The following BBS9 variants were observed in gnomAD, a reference collection of about 807,000 sequenced individuals.
The protein encoded by BBS9 is Bardet-Biedl syndrome 9, also known as protein PTHB1.
Under a neutral mutation model 117.7 loss-of-function variants are expected in BBS9, and 89 were observed. The observed-to-expected ratio is 0.76, with a 90% CI of 0.64 to 0.90. BBS9 has a LOEUF of 0.90. BBS9 is among the 40% of genes least tolerant of loss of function. The pLI is 0.00. For synonymous variants in BBS9, 379 were observed against 370.9 expected, an observed-to-expected ratio of 1.02 and a Z score of -0.25; for missense variants, 982 against 1,042.2, an observed-to-expected ratio of 0.94 and a Z score of 0.80.
chr7:33,444,987 G>A (rs1836778110), intron 19 of BBS9, among the ~76,000 whole-genome samples: 1 of 152,184 alleles, frequency 6.6e-6, no homozygotes, highest in African/African-American at 2.4e-5. Flanking sequence ...GTCTAGGGAA[G>A]TTGGGAGGGC....
intron 21 of BBS9, among the ~76,000 whole-genome samples, chr7:33,578,467 AG>A (rs1585336570): frequency 6.6e-6 from 1 of 152,316 alleles, no homozygotes; most frequent in East Asian, 1.9e-4. Flanking sequence ...CTTTTTTCAC[AG>A]GAAGTCACCT....
intron 21 of BBS9, among the ~76,000 whole-genome samples, chr7:33,566,068 T>G (rs1048889610): frequency 2.0e-5 from 3 of 151,136 alleles, no homozygotes; most frequent in Admixed American, 6.6e-5. Flanking sequence ...TTAAGTTTCC[T>G]TCCATTAGAC....
chr7:33,158,108 G>A (rs750007645), intron 4 of BBS9, among the ~76,000 whole-genome samples: 9 of 152,242 alleles, frequency 5.9e-5, no homozygotes, highest in Non-Finnish European at 1.0e-4. Flanking sequence ...TTTCCATGAG[G>A]AGGGCAAAAA....
chr7:33,340,829 TTAAA>T, intron 10 of BBS9, 64 bp from the exon 11 acceptor site: 4 of 1,414,482 alleles, frequency 2.8e-6, no homozygotes, highest in Non-Finnish European at 3.9e-6. Flanking sequence ...AGACAAACCT[TTAAA>T]GAAAAACTAT....
At chr7:33,275,611 G>A (rs528718416) in intron 9 of BBS9, among the ~76,000 whole-genome samples, 4 of 152,284 alleles carry the variant, frequency 2.6e-5, no homozygotes, top group African/African-American at 9.6e-5. Flanking sequence ...TGTCCTTCAG[G>A]AGCCAATATC....
intron 19 of BBS9, among the ~76,000 whole-genome samples, chr7:33,407,714 G>T (rs988866846): frequency 2.0e-5 from 3 of 152,206 alleles, no homozygotes; most frequent in African/African-American, 7.2e-5. Flanking sequence ...GACCCTGTTT[G>T]CCTGGGTATC....
intron 19 of BBS9, among the ~76,000 whole-genome samples, chr7:33,465,883 A>G (rs1840087819): frequency 6.6e-6 from 1 of 152,138 alleles, no homozygotes; most frequent in South Asian, 2.1e-4. Context: ...CCTTTCTAGC[A>G]ATAAAAAGGA....
At chr7:33,549,741 C>G (rs550229050) in intron 21 of BBS9, among the ~76,000 whole-genome samples, 11 of 152,240 alleles carry the variant, frequency 7.2e-5, no homozygotes, top group Admixed American at 2.0e-4. Context: ...CCATCTCACA[C>G]CAGTGAACTG....
intron 5 of BBS9, among the ~76,000 whole-genome samples, chr7:33,188,390 A>G (rs1783512148): frequency 6.6e-6 from 1 of 152,188 alleles, no homozygotes; most frequent in Admixed American, 6.5e-5. Flanking sequence ...TGCCATTTTT[A>G]GGCTACTAAA....
chr7:33,174,011 C>T (rs943184769), intron 4 of BBS9, among the ~76,000 whole-genome samples: 1 of 152,096 alleles, frequency 6.6e-6, no homozygotes, highest in African/African-American at 2.4e-5. Flanking sequence ...CAGTTTTTTT[C>T]TGACCTAGTC....
intron 9 of BBS9, 55 bp from the exon 10 acceptor site, chr7:33,336,386 A>G: frequency 7.1e-7 from 1 of 1,404,460 alleles, no homozygotes; most frequent in Non-Finnish European, 1.0e-6. Context: ...TAGTTGGTCA[A>G]GACTAACTCT....
chr7:33,408,248 G>A (rs199867596), intron 19 of BBS9, among the ~76,000 whole-genome samples: 7 of 152,282 alleles, frequency 4.6e-5, no homozygotes, highest in South Asian at 4.1e-4. Context: ...AGCCAGGTGC[G>A]GGATATAATC....
At chr7:33,517,440 ATAGACT>A (rs1429458391) in intron 20 of BBS9, among the ~76,000 whole-genome samples, 1 of 152,216 alleles carries the variant, frequency 6.6e-6, no homozygotes, top group Non-Finnish European at 1.5e-5. Flanking sequence ...CCAATGACTG[ATAGACT>A]TAGTAGATTA....
rs142420589 is a variant in BBS9 at position 33,538,874 on chromosome 7, T to C, written c.2521+4698T>C. On this transcript the variant is annotated intron_variant, in intron 21 of 22. Transcript: ENST00000242067. ...GTTCCATAGCTAGGTTGGCCAGTTA[T>C]ATGATATGGAACAAGTTACTTAGTC... Among the ~76,000 whole-genome samples the C allele has an allele frequency of 2.4e-3, 372 of 152,254 alleles. 2 individuals carry two copies. Among genetic ancestry groups the C allele is most frequent in the African/African-American group, 8.4e-3 (348 of 41,526 alleles).
chr7:33,233,578 T>G lies in BBS9; in HGVS notation c.443-23658T>G, dbSNP rs535053300. Among the ~76,000 whole-genome samples, 31 of 152,274 alleles carry G rather than the reference T, an allele frequency of 2.0e-4. No homozygotes were observed. In the South Asian group the frequency reaches 6.2e-3, roughly 31 times the overall value. ...TCTGTCATATCAAGCATTTTTTTTC[T>G]TATAAAAGCTACTGGTATCGTATAA... On this transcript the variant is annotated intron_variant, in intron 5 of 22. Transcript: ENST00000242067.
chr7:33,203,070 C>A (rs540214746), intron 5 of BBS9, among the ~76,000 whole-genome samples: 4 of 152,136 alleles, frequency 2.6e-5, no homozygotes, highest in African/African-American at 9.7e-5. Context: ...GAGCCCACCA[C>A]TAGTGTCAGA....
At chr7:33,263,494 G>T (rs193131361) in intron 6 of BBS9, among the ~76,000 whole-genome samples, 2 of 152,178 alleles carry the variant, frequency 1.3e-5, no homozygotes, top group Admixed American at 6.5e-5. Context: ...AACTTTATTA[G>T]ATAAATTAAT....
At chr7:33,205,110 C>T (rs1786656377) in intron 5 of BBS9, among the ~76,000 whole-genome samples, 3 of 152,194 alleles carry the variant, frequency 2.0e-5, no homozygotes, top group African/African-American at 7.2e-5. Context: ...CTAGTTTCCT[C>T]TTAGAAATAA....
intron 5 of BBS9, among the ~76,000 whole-genome samples, chr7:33,234,251 A>T (rs1225887079): frequency 6.6e-6 from 1 of 152,092 alleles, no homozygotes; most frequent in Non-Finnish European, 1.5e-5. Flanking sequence ...AGGGTTTGGT[A>T]CTAAGGTTTC....
Sources: gnomAD v4.1 joint callset for allele counts (sites outside exome capture counted in the v4.1 genomes callset) on GRCh38, gnomAD v4.1.1 for gene constraint, MANE v1.5 for transcripts, NCBI Gene and HGNC (gene_info 2026-07-23, HGNC 2026-07-21) for gene names.